MTR: variants seen among roughly 807,000 people sequenced by gnomAD.
MTR encodes the protein 5-methyltetrahydrofolate-homocysteine methyltransferase.
Under a neutral mutation model 154.8 loss-of-function variants are expected in MTR, and 84 were observed. The ratio of observed to expected loss-of-function variants is 0.54; its 90% CI spans 0.45 to 0.65. MTR has a LOEUF of 0.65. Ranked by LOEUF, MTR falls within the 30% of genes least tolerant of loss-of-function variation. The probability of loss-of-function intolerance (pLI) is 0.00; values close to 1 mark genes in which losing one functional copy is unlikely to be tolerated. For missense variants in MTR, 1,275 were observed against 1,570.2 expected (o/e 0.81, Z 3.18); for synonymous variants, 554 against 553.9 (o/e 1.00, Z 0.00).
intron 18 of MTR, among the ~76,000 whole-genome samples, chr1:236,857,396 C>T (rs573418498): frequency 6.6e-6 from 1 of 152,310 alleles, no homozygotes; most frequent in South Asian, 2.1e-4. Flanking sequence ...TTGTGATTCC[C>T]TTAAAAATGT....
chr1:236,835,803 A>T, intron 14 of MTR, 116 bp downstream of exon 14: 1 of 1,351,402 alleles, frequency 7.4e-7, no homozygotes, highest in African/African-American at 1.4e-5. Context: ...CTGTTTCTCA[A>T]CATCGAAAAC....
intron 28 of MTR, among the ~76,000 whole-genome samples, chr1:236,890,476 T>C (rs1666255371): frequency 6.6e-6 from 1 of 152,140 alleles, no homozygotes; most frequent in Non-Finnish European, 1.5e-5. Context: ...TTCCACTGAC[T>C]TCACAGCGAC....
chr1:236,799,297 T>TC (rs1660575747), intron 1 of MTR, among the ~76,000 whole-genome samples: 1 of 151,784 alleles, frequency 6.6e-6, no homozygotes, highest in African/African-American at 2.4e-5. Flanking sequence ...AATTTTTGTT[T>TC]TTTTTTTTTG....
Position 236,897,310 on chromosome 1 carries a change from G to GCGCGCGCGCGCACA in MTR, c.3711+193_3711+194insGCGCGCGCGCACAC. On this transcript the variant is annotated intron_variant, in intron 32 of 32. Coordinates refer to ENST00000366577, the MANE Select transcript of MTR (RefSeq NM_000254.3). ...ACTTCTACATGCAAGCCACACACAC[G>GCGCGCGCGCGCACA]CACACACACACACACACACACACAC... 2.2e-3 allele frequency among the ~76,000 whole-genome samples: 287 copies of GCGCGCGCGCGCACA among 128,680 alleles called. 2 individuals carry two copies. Among genetic ancestry groups the GCGCGCGCGCGCACA allele is most frequent in the South Asian group, 9.6e-3 (35 of 3,660 alleles). 84.4% of individuals were successfully genotyped at this position (128,680 alleles called of 152,430 possible).
At chr1:236,854,205 G>T (rs1229430992) in intron 18 of MTR, among the ~76,000 whole-genome samples, 1 of 152,172 alleles carries the variant, frequency 6.6e-6, no homozygotes. Context: ...CTTACTGGTA[G>T]TAAGACTTAG....
At chr1:236,819,524 C>T (rs1378807943) in intron 8 of MTR, 7 of 331,634 alleles carry the variant, frequency 2.1e-5, no homozygotes, top group African/African-American at 6.4e-5. Flanking sequence ...TTGGTTGCTT[C>T]GAAGTTGTAG....
At chr1:236,799,485 C>G (rs1462755194) in intron 1 of MTR, among the ~76,000 whole-genome samples, 4 of 152,142 alleles carry the variant, frequency 2.6e-5, no homozygotes, top group Admixed American at 6.5e-5. Flanking sequence ...TGCAAAATTC[C>G]TGTGTTTTAT....
At chr1:236,841,704 G>T (rs886520712) in intron 15 of MTR, among the ~76,000 whole-genome samples, 1 of 150,182 alleles carries the variant, frequency 6.7e-6, no homozygotes, top group Admixed American at 6.6e-5. Flanking sequence ...TCTTGTGAAA[G>T]AAAACATGGC....
At chr1:236,889,047 T>G in intron 27 of MTR, 134 bp from the exon 28 acceptor site, 1 of 1,088,604 alleles carries the variant, frequency 9.2e-7, no homozygotes, top group Non-Finnish European at 1.4e-6. Context: ...TTCCCCTCTT[T>G]GTAAAACAAC....
At chr1:236,804,264 A>G (rs1377455783) in intron 2 of MTR, among the ~76,000 whole-genome samples, 13 of 152,196 alleles carry the variant, frequency 8.5e-5, no homozygotes, top group Non-Finnish European at 1.5e-5. Flanking sequence ...CCTAATGCCT[A>G]GTGTGATGGT....
chr1:236,840,837 C>T (rs1177592027), intron 15 of MTR, among the ~76,000 whole-genome samples: 9 of 152,086 alleles, frequency 5.9e-5, no homozygotes, highest in South Asian at 2.1e-4. Context: ...ATTCATGCAG[C>T]GATTTCCCCT....
At chr1:236,825,001 C>G (rs1475902649) in intron 9 of MTR, among the ~76,000 whole-genome samples, 1 of 152,136 alleles carries the variant, frequency 6.6e-6, no homozygotes, top group South Asian at 2.1e-4. Context: ...CTTCCACCCC[C>G]ACCCCCAAGC....
rs769378343 is a variant in MTR, at chr1:236,850,436, T to G, written c.1608T>G (p.Phe536Leu). ...GCTTTAATCCAAATGACATTATTTT[T>G]GACCCTAATATCCTAACCATTGGGA... The part of the protein sequence containing the change: ...KLGFNPNDII[F>L]DPNILTIGTG... Residue 536 changes from phenylalanine (F) to leucine (L), a missense_variant, in exon 16 of 33, where the codon TTT becomes TTG. Phe to Leu is a conservative substitution (Grantham distance 22). Transcript: ENST00000366577. 1 of 1,613,742 alleles carries G rather than the reference T, an allele frequency of 6.2e-7. No homozygotes were observed. The highest frequency in any genetic ancestry group is 8.5e-7 in the Non-Finnish European group (1 of 1,179,938).
At chr1:236,826,680 T>C in intron 10 of MTR, 149 bp from the exon 11 acceptor site, 1 of 710,692 alleles carries the variant, frequency 1.4e-6, no homozygotes, top group South Asian at 1.5e-5. Flanking sequence ...GCATGTGATA[T>C]CTTTGTATCT....
intron 27 of MTR, among the ~76,000 whole-genome samples, chr1:236,886,755 C>T (rs986938465): frequency 6.6e-6 from 1 of 152,178 alleles, no homozygotes; most frequent in Non-Finnish European, 1.5e-5. Flanking sequence ...CGTGGGTCCC[C>T]GTCTCCTTGA....
At chr1:236,877,779 T>C (rs1282067384) in intron 24 of MTR, among the ~76,000 whole-genome samples, 1 of 152,232 alleles carries the variant, frequency 6.6e-6, no homozygotes, top group Non-Finnish European at 1.5e-5. Context: ...AGGATATGCC[T>C]ATGATCATCT....
intron 8 of MTR, chr1:236,820,077 G>A: frequency 1.3e-6 from 1 of 775,170 alleles, no homozygotes; most frequent in Non-Finnish European, 2.3e-6. Flanking sequence ...CCATTGCGCT[G>A]TGTAACACAG....
intron 28 of MTR, among the ~76,000 whole-genome samples, chr1:236,889,998 T>A (rs1353114695): frequency 2.0e-5 from 3 of 151,928 alleles, no homozygotes; most frequent in Non-Finnish European, 4.4e-5. Flanking sequence ...TACCCCAGAA[T>A]CCACCGACAG....
At chr1:236,867,433 C>T (rs1001187742) in intron 22 of MTR, among the ~76,000 whole-genome samples, 1 of 152,156 alleles carries the variant, frequency 6.6e-6, no homozygotes, top group Non-Finnish European at 1.5e-5. Context: ...ATTGACAGTG[C>T]ACCTGGTCAC....
Sources: gnomAD v4.1 joint callset for allele counts (sites outside exome capture counted in the v4.1 genomes callset) on GRCh38, gnomAD v4.1.1 for gene constraint, MANE v1.5 for transcripts, NCBI Gene and HGNC (gene_info 2026-07-23, HGNC 2026-07-21) for gene names.